SYNE3: variants seen among roughly 807,000 people sequenced by gnomAD.
SYNE3 encodes spectrin repeat containing nuclear envelope family member 3.
In SYNE3, 100 loss-of-function variants were observed where a neutral mutation model predicts 111.2. The observed-to-expected ratio is 0.90, with a 90% CI of 0.77 to 1.06. The LOEUF (loss-of-function observed/expected upper bound fraction) is 1.06, where lower values mean the gene tolerates loss of function less well. Among genes scored for constraint, SYNE3 ranks in the 50% least tolerant of loss-of-function variants. The pLI, the probability that SYNE3 is intolerant of heterozygous loss-of-function variation, is 0.00. For synonymous variants in SYNE3, 547 were observed against 533.9 expected (o/e 1.02, Z -0.34); for missense variants, 1,160 against 1,240.3 (o/e 0.94, Z 0.97).
In SYNE3 at chr14:95,449,805, C is replaced by A; in HGVS notation, c.1449+126G>T. ...GTGCACCAGGACTCAGCAGACCGGG[C>A]GCAGTGAGCTCTCCCCAGATATCCG... On this transcript the variant is annotated intron_variant, in intron 8 of 17. Transcript: ENST00000682763. 2.1e-6 allele frequency: 3 copies of A among 1,423,954 alleles called. No homozygotes were observed. The South Asian group carries it at 4.3e-5, about 21-fold the overall frequency. The allele number at this position is 1,423,954 out of a possible 1,614,324, so 88.2% of individuals were successfully genotyped here.
chr14:95,490,512 T>G (rs147102898), intron 1 of SYNE3, among the ~76,000 whole-genome samples: 1 of 152,354 alleles, frequency 6.6e-6, no homozygotes, highest in African/African-American at 2.4e-5. Flanking sequence ...ATTAAATAAC[T>G]TTCCCAAAAG....
At chr14:95,516,551 CGGCCCCCGGCCCCA>C (rs1191503030) in intron 1 of SYNE3, among the ~76,000 whole-genome samples, 31 bp downstream of exon 1, 2 of 151,220 alleles carry the variant, frequency 1.3e-5, no homozygotes, top group African/African-American at 4.8e-5. Context: ...CCCCGGCCCC[CGGCCCCCGGCCCCA>C]GGCCTGGCCT....
chr14:95,436,253 T>C (rs1263810827), intron 15 of SYNE3, among the ~76,000 whole-genome samples: 14 of 152,244 alleles, frequency 9.2e-5, no homozygotes. Context: ...AATGTTATGC[T>C]GGCTCCTAGT....
chr14:95,418,960 T>C (rs1884918635), intron 17 of SYNE3, among the ~76,000 whole-genome samples: 1 of 152,178 alleles, frequency 6.6e-6, no homozygotes, highest in East Asian at 1.9e-4. Flanking sequence ...TCCTCCTCCT[T>C]TTATTTCATC....
At chr14:95,458,096 A>AGT (rs1491052749) in intron 4 of SYNE3, among the ~76,000 whole-genome samples, 2 of 152,208 alleles carry the variant, frequency 1.3e-5, no homozygotes, top group Middle Eastern at 3.2e-3. Flanking sequence ...TTGGAAAAAC[A>AGT]GTGGTGTCCT....
At chr14:95,434,876 A>G (rs949145366) in intron 15 of SYNE3, among the ~76,000 whole-genome samples, 28 of 152,048 alleles carry the variant, frequency 1.8e-4, no homozygotes, top group African/African-American at 6.5e-4. Context: ...CTGGTCTCGA[A>G]CTCCTGACCT....
At chr14:95,463,070 C>T (rs1256958162) in intron 4 of SYNE3, among the ~76,000 whole-genome samples, 1 of 152,116 alleles carries the variant, frequency 6.6e-6, no homozygotes, top group Non-Finnish European at 1.5e-5. Context: ...GCAGGAGAAT[C>T]ACTTGAACCC....
In SYNE3 at chr14:95,414,180, C is replaced by T. The variant is rs561797784; in HGVS notation, c.*3646G>A. The T allele has an allele frequency of 4.9e-4, 74 of 152,294 alleles. No individual in the cohort carries two copies. The highest frequency in any genetic ancestry group is 3.4e-3 in the Middle Eastern group (1 of 294). 9.4% of individuals were successfully genotyped at this position (152,294 alleles called of 1,614,324 possible). A position where few individuals can be genotyped will look rare whatever the true frequency, so the allele number is the denominator to read the frequency against. ...CAACCTGGTAGAACCAGCCTGAAGC[C>T]CCCCTCCAGCCTGGGCTTTGGGGTC... On this transcript the variant is annotated 3_prime_UTR_variant, in exon 18 of 18. Transcript: ENST00000682763.
Position 95,439,635 on chromosome 14 carries a change from C to G in SYNE3, c.2223G>C (p.Arg741Ser), listed in dbSNP as rs142537412. 3.0e-4 allele frequency: 478 copies of G among 1,611,954 alleles called. 1 individual carries two copies. Among genetic ancestry groups the G allele is most frequent in the South Asian group, 2.4e-4 (22 of 91,076 alleles). The change falls in exon 13 of 18, where the codon AGG (arginine) becomes AGC (serine). Residue 741 changes from arginine (R) to serine (S), a missense_variant. By Grantham distance (110) the Arg-to-Ser change is moderately radical (BLOSUM62 -1). Coordinates refer to ENST00000682763, the MANE Select transcript of SYNE3 (RefSeq NM_152592.6). ...RELAESWRALRLLEESLLSLI... is the reference protein window; with the variant it reads ...RELAESWRALSLLEESLLSLI... ...ACCTCAGCAGACTTTCTTCCAGCAG[C>G]CTCAAGGCCCGCCACGACTCTGCCA... is the stretch of plus-strand genomic sequence containing the variant.
At chr14:95,463,387 C>G (rs927002087) in intron 4 of SYNE3, among the ~76,000 whole-genome samples, 6 of 152,316 alleles carry the variant, frequency 3.9e-5, no homozygotes, top group Admixed American at 2.0e-4. Flanking sequence ...TCACTCAGCA[C>G]CCCAGCATCC....
Position 95,408,892 on chromosome 14 carries a change from T to C in SYNE3, c.*8934A>G, listed in dbSNP as rs1252930273. On this transcript the variant is annotated 3_prime_UTR_variant, in exon 18 of 18. Coordinates refer to ENST00000682763, the MANE Select transcript of SYNE3 (RefSeq NM_152592.6). ...GCCTGCCCCCGCAAGGGCTGGCCTGTCCGTGCTTTTCCAGTGGGAAGGTAG... is the reference window on the plus strand; with the variant it reads ...GCCTGCCCCCGCAAGGGCTGGCCTGCCCGTGCTTTTCCAGTGGGAAGGTAG... 2.9e-6 allele frequency: 1 copy of C among 348,004 alleles called. No homozygotes were observed. Among genetic ancestry groups the C allele is most frequent in the Non-Finnish European group, 5.7e-6 (1 of 175,656 alleles). 21.6% of individuals were successfully genotyped at this position (348,004 alleles called of 1,614,324 possible). A position where few individuals can be genotyped will look rare whatever the true frequency, so the allele number is the denominator to read the frequency against.
intron 1 of SYNE3, among the ~76,000 whole-genome samples, chr14:95,476,359 C>G (rs184289514): frequency 6.6e-6 from 1 of 152,338 alleles, no homozygotes; most frequent in East Asian, 1.9e-4. Context: ...CCCACCACTC[C>G]ACCAACCTGG....
At chr14:95,472,791 A>C (rs1888607816) in intron 2 of SYNE3, among the ~76,000 whole-genome samples, 1 of 152,134 alleles carries the variant, frequency 6.6e-6, no homozygotes, top group African/African-American at 2.4e-5. Flanking sequence ...CCCCACGAGG[A>C]TTCTGGAGTT....
chr14:95,450,813 C>T (rs1194479231), intron 7 of SYNE3: 1 of 152,212 alleles, frequency 6.6e-6, no homozygotes, highest in Non-Finnish European at 1.5e-5. Context: ...TCAGTTTTCT[C>T]ACCTATGAAA....
intron 1 of SYNE3, among the ~76,000 whole-genome samples, chr14:95,488,009 A>G (rs1027424941): frequency 6.6e-5 from 10 of 152,120 alleles, no homozygotes; most frequent in Non-Finnish European, 1.3e-4. Context: ...TAAACAGTAA[A>G]TACATTTTCT....
At chr14:95,484,530 T>C (rs1223301077) in intron 1 of SYNE3, among the ~76,000 whole-genome samples, 1 of 152,162 alleles carries the variant, frequency 6.6e-6, no homozygotes, top group African/African-American at 2.4e-5. Context: ...CAGAGAGCAC[T>C]GAGCAGGGTA....
chr14:95,456,131 C>A, intron 5 of SYNE3: 1 of 293,000 alleles, frequency 3.4e-6, no homozygotes, highest in African/African-American at 2.1e-5. Context: ...TTGGCACCAT[C>A]TTTTCCATTT....
At chr14:95,513,737 T>TATA (rs1480614847) in intron 1 of SYNE3, among the ~76,000 whole-genome samples, 60 of 92,498 alleles carry the variant, frequency 6.5e-4, no homozygotes, top group African/African-American at 2.6e-3. Flanking sequence ...GCTGCTTAGA[T>TATA]TATATATATA....
At chr14:95,486,600 C>A (rs529899542) in intron 1 of SYNE3, among the ~76,000 whole-genome samples, 248 of 152,264 alleles carry the variant, frequency 1.6e-3, no homozygotes, top group Non-Finnish European at 2.2e-3. Context: ...ACACACACGT[C>A]ACCACAGTCC....
Sources: allele counts gnomAD v4.1 joint callset (sites outside exome capture counted in the v4.1 genomes callset), GRCh38; gene constraint gnomAD v4.1.1; transcripts MANE v1.5; gene names NCBI Gene and HGNC (gene_info 2026-07-23, HGNC 2026-07-21).